The following ZHX3 variants were observed in gnomAD, a reference collection of about 807,000 sequenced individuals.
ZHX3 encodes zinc fingers and homeoboxes 3.
A neutral mutation model predicts 64.5 loss-of-function variants in ZHX3; 20 were observed. That is an observed-to-expected ratio of 0.31 (90% CI 0.22 to 0.45). The LOEUF (loss-of-function observed/expected upper bound fraction) is 0.45, where lower values mean the gene tolerates loss of function less well. Ranked by LOEUF, ZHX3 falls within the 20% of genes least tolerant of loss-of-function variation. ZHX3 has a pLI of 1.00. For missense variants in ZHX3, 1,041 were observed against 1,195.8 expected, an observed-to-expected ratio of 0.87 and a Z score of 1.91; for synonymous variants, 423 against 461.6, an observed-to-expected ratio of 0.92 and a Z score of 1.07.
At chr20:41,252,785 G>A (rs1441385266) in intron 2 of ZHX3, among the ~76,000 whole-genome samples, 1 of 152,120 alleles carries the variant, frequency 6.6e-6, no homozygotes, top group African/African-American at 2.4e-5. Context: ...CCTATTAGAG[G>A]TTTATAATTC....
In ZHX3 at chr20:41,281,381, A is replaced by G. The variant is rs142655204; in HGVS notation, c.-244-12298T>C. On this transcript the variant is annotated intron_variant, in intron 1 of 3. Transcript: ENST00000683867. ...AGCAAATTAAATTTGAATCCAAGAA[A>G]TAAAAGATGACTTGGGATACAAGAA... 4.7e-3 allele frequency among the ~76,000 whole-genome samples: 709 copies of G among 152,322 alleles called. 21 individuals are homozygous for G. The highest frequency in any genetic ancestry group is 0.043 in the Admixed American group (663 of 15,294).
chr20:41,236,253 C>T (rs1372851775), intron 2 of ZHX3, among the ~76,000 whole-genome samples: 1 of 152,110 alleles, frequency 6.6e-6, no homozygotes, highest in East Asian at 1.9e-4. Flanking sequence ...ACTTTCTTCA[C>T]AGAATTGGAA....
At chr20:41,239,071 C>T (rs550799023) in intron 2 of ZHX3, among the ~76,000 whole-genome samples, 23 of 136,210 alleles carry the variant, frequency 1.7e-4, no homozygotes, top group Non-Finnish European at 2.3e-4. Flanking sequence ...GGCATGATCT[C>T]GGCTCACTGC....
chr20:41,212,569 G>A lies in ZHX3; in HGVS notation c.-150-7503C>T, dbSNP rs1288640528. 2.6e-5 allele frequency among the ~76,000 whole-genome samples: 4 copies of A among 152,098 alleles called. No individual in the cohort carries two copies. The highest frequency in any genetic ancestry group is 4.8e-5 in the African/African-American group (2 of 41,424). Reference sequence around the variant, plus strand: ...TCCTAGCACTTTGGGAGGCCAAGGCGGGCGGATCACCAGAGGTCAGGAGTT... The same window carrying A: ...TCCTAGCACTTTGGGAGGCCAAGGCAGGCGGATCACCAGAGGTCAGGAGTT... On this transcript the variant is annotated intron_variant, in intron 2 of 3. Coordinates refer to ENST00000683867, the MANE Select transcript of ZHX3 (RefSeq NM_001384317.1). This position sits in a 1 kb window ranked among gnomAD's most constrained non-coding sequence, Gnocchi z 4.3.
At position 41,201,207 on chromosome 20, in the gene ZHX3, C is replaced by G. The variant is rs747769967; in HGVS notation, c.2860+850G>C. 2.4e-4 allele frequency: 248 copies of G among 1,023,796 alleles called. No individual in the cohort carries two copies. Among genetic ancestry groups the G allele is most frequent in the South Asian group, 8.2e-4 (52 of 63,796 alleles). The allele number at this position is 1,023,796 out of a possible 1,614,324, so 63.4% of individuals were successfully genotyped here. A position where few individuals can be genotyped will look rare whatever the true frequency, so the allele number is the denominator to read the frequency against. On this transcript the variant is annotated intron_variant, in intron 3 of 3. Transcript: ENST00000683867. This position sits in a 1 kb window ranked among gnomAD's most constrained non-coding sequence, Gnocchi z 5.0. The stretch of plus-strand genomic sequence containing the variant: ...TCTCCTGTACCCCCTCCCACATTGC[C>G]AACTCAGCTAGCAATGCTGCCATTT...
chr20:41,301,931 G>A (rs972318131), intron 1 of ZHX3, among the ~76,000 whole-genome samples: 1 of 150,684 alleles, frequency 6.6e-6, no homozygotes, highest in Non-Finnish European at 1.5e-5. Flanking sequence ...GCGGGCGCCT[G>A]TAGTCCCAGC....
chr20:41,188,402 CCCCA>C (rs1163037767), intron 3 of ZHX3: 7 of 141,412 alleles, frequency 5.0e-5, no homozygotes, highest in Admixed American at 2.9e-4. Flanking sequence ...CCCCACCCAC[CCCCA>C]CCTTTTTTTT....
chr20:41,229,191 A>G (rs1182667779), intron 2 of ZHX3, among the ~76,000 whole-genome samples: 1 of 152,182 alleles, frequency 6.6e-6, no homozygotes, highest in Admixed American at 6.5e-5. Context: ...TAACTGATCA[A>G]TTTAACTTAG....
chr20:41,199,892 G>C (rs562216635), intron 3 of ZHX3, among the ~76,000 whole-genome samples: 9 of 151,914 alleles, frequency 5.9e-5, no homozygotes, highest in Admixed American at 2.0e-4. Context: ...ATAGAGACAG[G>C]GTTTTACCAT....
intron 2 of ZHX3, among the ~76,000 whole-genome samples, chr20:41,209,746 G>A (rs1180581877): frequency 2.6e-5 from 4 of 152,026 alleles, no homozygotes; most frequent in African/African-American, 4.8e-5. Context: ...AAAACCCTAG[G>A]AGAAAACCTA....
rs562135001 is a variant in ZHX3 at position 41,203,852 on chromosome 20, T to G, written c.1065A>C (p.Gln355His). 6.2e-7 allele frequency: 1 copy of G among 1,614,222 alleles called. No individual in the cohort carries two copies. Among genetic ancestry groups the G allele is most frequent in the African/African-American group, 1.3e-5 (1 of 75,064 alleles). ...ACCAGCTGATCCCCTGCTTCAGCCT[T>G]TGGGCTGTGAACCAGATCTTGAGCT... Reference protein sequence around the residue: ...EEQLKIWFTAQRLKQGISWSP... With the variant: ...EEQLKIWFTAHRLKQGISWSP... The change falls in exon 3 of 4, where the codon CAA becomes CAC. Residue 355 changes from glutamine to histidine, a missense_variant. Gln to His is a conservative substitution (Grantham distance 24). This residue lies in a region of ZHX3 where 28 missense variants were observed against 66.7 expected (regional missense o/e 0.42). Coordinates refer to ENST00000683867, the MANE Select transcript of ZHX3 (RefSeq NM_001384317.1). The surrounding 1 kb of genome is among the most constrained non-coding windows in gnomAD (Gnocchi z 7.1).
rs1335961155 is a variant in ZHX3, at chr20:41,226,303, CTG to C, written c.-150-21239_-150-21238del. On this transcript the variant is annotated intron_variant, in intron 2 of 3. Coordinates refer to ENST00000683867, the MANE Select transcript of ZHX3 (RefSeq NM_001384317.1). The surrounding 1 kb of genome is among the most constrained non-coding windows in gnomAD (Gnocchi z 4.4). ...CGCGGGAGGTGGAGGTTGCAGTAAA[CTG>C]AGATCGCGCCACTGAACTCCAGCCT... Among the ~76,000 whole-genome samples the C allele has an allele frequency of 6.6e-6, 1 of 152,028 alleles. No individual in the cohort carries two copies. Among genetic ancestry groups the C allele is most frequent in the Non-Finnish European group, 1.5e-5 (1 of 68,026 alleles).
chr20:41,234,312 AAGTAATT>A (rs2040820437), intron 2 of ZHX3, among the ~76,000 whole-genome samples: 2 of 152,224 alleles, frequency 1.3e-5, no homozygotes, highest in African/African-American at 4.8e-5. Flanking sequence ...TGACTAAGCT[AAGTAATT>A]AGTTCATATG....
At chr20:41,249,001 C>T (rs1393360560) in intron 2 of ZHX3, among the ~76,000 whole-genome samples, 3 of 152,198 alleles carry the variant, frequency 2.0e-5, no homozygotes, top group Admixed American at 6.5e-5. Flanking sequence ...AAATAGTATG[C>T]AATTTTAACC....
At chr20:41,241,359 AT>A (rs1431224303) in intron 2 of ZHX3, among the ~76,000 whole-genome samples, 1 of 152,058 alleles carries the variant, frequency 6.6e-6, no homozygotes, top group African/African-American at 2.4e-5. Context: ...GGATTATTAG[AT>A]TTTTTTCCTA....
intron 1 of ZHX3, chr20:41,300,084 C>G (rs115325036): frequency 6.6e-6 from 1 of 152,124 alleles, no homozygotes; most frequent in Non-Finnish European, 1.5e-5. Context: ...TATTTGCTGC[C>G]TTTGACGGCT....
intron 2 of ZHX3, among the ~76,000 whole-genome samples, chr20:41,262,152 T>G (rs2042593059): frequency 6.6e-6 from 1 of 152,236 alleles, no homozygotes; most frequent in Admixed American, 6.5e-5. Context: ...CTTGCTCAAG[T>G]TGTTCTCACC....
Position 41,212,806 on chromosome 20 carries a change from AAAACCAAAAAC to A in ZHX3, c.-150-7751_-150-7741del, listed in dbSNP as rs2039258253. ...GAGCTAAACTGTGTCTCAAAAAAAA[AAAACCAAAAAC>A]AAAACAAAACAAAAAAAACAAAACA... On this transcript the variant is annotated intron_variant, in intron 2 of 3. Transcript: ENST00000683867. This position sits in a 1 kb window ranked among gnomAD's most constrained non-coding sequence, Gnocchi z 4.3. Among the ~76,000 whole-genome samples the A allele has an allele frequency of 6.6e-6, 1 of 152,014 alleles. No homozygotes were observed. The highest frequency in any genetic ancestry group is 1.5e-5 in the Non-Finnish European group (1 of 68,006).
intron 2 of ZHX3, among the ~76,000 whole-genome samples, chr20:41,242,644 G>T (rs562295467): frequency 6.6e-6 from 1 of 152,216 alleles, no homozygotes; most frequent in East Asian, 1.9e-4. Context: ...CTGACAGAAT[G>T]GAAAACCAAT....
Sources: gnomAD v4.1 joint callset for allele counts (sites outside exome capture counted in the v4.1 genomes callset) on GRCh38, gnomAD v4.1.1 for gene constraint, gnomAD v4.1.1 regional missense constraint, Gnocchi (gnomAD v3.1) non-coding constraint, MANE v1.5 for transcripts, NCBI Gene and HGNC (gene_info 2026-07-23, HGNC 2026-07-21) for gene names.